Variants in BNIP1 observed in about 807,000 individuals in gnomAD.
BNIP1 encodes BCL2 interacting protein 1, also known as vesicle transport protein SEC20.
In BNIP1, 25 loss-of-function variants were observed where a neutral mutation model predicts 28.5. The ratio of observed to expected loss-of-function variants is 0.88; its 90% confidence interval spans 0.64 to 1.23. BNIP1 has a LOEUF of 1.23. BNIP1 is among the 50% of genes most tolerant of loss of function. The pLI is 0.00. For missense variants in BNIP1, 276 were observed against 277.0 expected (o/e 1.00, Z 0.02); for synonymous variants, 118 against 101.7 (o/e 1.16, Z -0.96).
intron 5 of BNIP1, chr5:173,161,874 G>C (rs865985553): frequency 1.3e-5 from 2 of 152,266 alleles, no homozygotes; most frequent in East Asian, 3.9e-4. Context: ...AGTTTAAAAA[G>C]AAAGGCCTAT....
chr5:173,153,951 T>C (rs1760105026), intron 2 of BNIP1, among the ~76,000 whole-genome samples: 1 of 152,242 alleles, frequency 6.6e-6, no homozygotes, highest in South Asian at 2.1e-4. Flanking sequence ...CAGTTTGATA[T>C]TTTAATGATA....
chr5:173,148,022 C>T (rs1759889855), intron 2 of BNIP1, among the ~76,000 whole-genome samples: 1 of 125,884 alleles, frequency 7.9e-6, no homozygotes, highest in African/African-American at 3.1e-5. Flanking sequence ...GAGATCGTGC[C>T]ACTGCACTCT....
chr5:173,163,887 A>G lies in BNIP1; in HGVS notation c.653A>G (p.Tyr218Cys). ...ALALFLATVL[Y>C]IVKKRLFPFL ...GCCCTGTTTCTTGCTACGGTCCTCT[A>G]TATTGTGAAAAAGCGGCTCTTTCCA... The change falls in exon 6 of 6, where the codon TAT (tyrosine) becomes TGT (cysteine). Residue 218 changes from tyrosine to cysteine, a missense_variant. Physicochemically the swap from Tyr to Cys is radical, Grantham distance 194. Coordinates refer to ENST00000351486, the MANE Select transcript of BNIP1 (RefSeq NM_001205.3). 5 of 1,607,516 alleles carry G rather than the reference A, an allele frequency of 3.1e-6. No individual in the cohort carries two copies. Among genetic ancestry groups the G allele is most frequent in the Non-Finnish European group, 4.2e-6 (5 of 1,177,610 alleles).
chr5:173,159,293 C>T (rs1316409162), intron 4 of BNIP1, among the ~76,000 whole-genome samples: 2 of 152,176 alleles, frequency 1.3e-5, no homozygotes, highest in African/African-American at 4.8e-5. Flanking sequence ...CCCACCCCAG[C>T]CTCCCAAAGT....
chr5:173,146,526 C>T (rs1581066545), intron 1 of BNIP1, among the ~76,000 whole-genome samples: 1 of 152,216 alleles, frequency 6.6e-6, no homozygotes, highest in Non-Finnish European at 1.5e-5. Flanking sequence ...GATAGTATCA[C>T]TTTTGCATGT....
chr5:173,156,247 G>A (rs889800382), intron 3 of BNIP1, among the ~76,000 whole-genome samples: 1 of 152,196 alleles, frequency 6.6e-6, no homozygotes, highest in Non-Finnish European at 1.5e-5. Context: ...CTTGTATAAA[G>A]TATGGTAAGT....
At chr5:173,158,371 AG>A (rs1475427513) in intron 3 of BNIP1, among the ~76,000 whole-genome samples, 3 of 152,252 alleles carry the variant, frequency 2.0e-5, no homozygotes, top group Admixed American at 6.5e-5. Flanking sequence ...GTACAGCCTT[AG>A]AGGCAACTGG....
chr5:173,151,009 G>A (rs551916236), intron 2 of BNIP1, among the ~76,000 whole-genome samples: 62 of 150,716 alleles, frequency 4.1e-4, no homozygotes, highest in Admixed American at 3.6e-3. Context: ...CTAATTTTTC[G>A]TATTTTTAGT....
chr5:173,159,960 G>C lies in BNIP1; in HGVS notation c.399G>C (p.Gln133His). The change falls in exon 5 of 6, where the codon CAG (glutamine) becomes CAC (histidine). Residue 133 changes from glutamine (Q) to histidine (H), a missense_variant. Physicochemically the swap from Gln to His is conservative, Grantham distance 24. Transcript: ENST00000351486. ...QRKTTKESLA[Q>H]TSSTITESLM... The stretch of plus-strand genomic sequence containing the variant: ...AAACCACCAAAGAGAGCCTGGCCCA[G>C]ACATCCAGTACCATCACTGAGAGCC... 6.2e-7 allele frequency: 1 copy of C among 1,614,122 alleles called. No homozygotes were observed. The highest frequency in any genetic ancestry group is 8.5e-7 in the Non-Finnish European group (1 of 1,179,990).
intron 1 of BNIP1, chr5:173,144,852 A>C: frequency 7.9e-6 from 4 of 505,552 alleles, no homozygotes; most frequent in Non-Finnish European, 1.4e-5. Context: ...TCCCCAGAGC[A>C]CCCCACTGTT....
Position 173,144,590 on chromosome 5 carries a change from GA to G in BNIP1, c.46del (p.Ile16LeufsTer8), listed in dbSNP as rs1759776908. On this transcript the variant is annotated frameshift_variant, in exon 1 of 6. Coordinates refer to ENST00000351486, the MANE Select transcript of BNIP1 (RefSeq NM_001205.3). LOFTEE classifies it high-confidence loss of function. ...TCCACGTCCGGATCTGTAACCAAGA[GA>G]TTGTCAAATTTGACCTGGAGGTGAA... ...DVHVRICNQE[I>X]VKFDLEVKAL... is the part of the protein sequence containing the mutation. 2.5e-6 allele frequency: 4 copies of G among 1,614,096 alleles called. No homozygotes were observed. The highest frequency in any genetic ancestry group is 3.4e-6 in the Non-Finnish European group (4 of 1,180,038).
At chr5:173,162,727 C>T (rs1051574357) in intron 5 of BNIP1, among the ~76,000 whole-genome samples, 2 of 152,102 alleles carry the variant, frequency 1.3e-5, no homozygotes, top group Non-Finnish European at 2.9e-5. Context: ...AGCAGCCTCG[C>T]ATGTCTAGGG....
intron 3 of BNIP1, among the ~76,000 whole-genome samples, chr5:173,158,468 GCCATGTT>G (rs1466679033): frequency 1.3e-5 from 2 of 152,250 alleles, no homozygotes; most frequent in Non-Finnish European, 2.9e-5. Flanking sequence ...ACAGAGGAGT[GCCATGTT>G]CACAGCCCCT....
At chr5:173,151,345 C>T (rs1007251698) in intron 2 of BNIP1, among the ~76,000 whole-genome samples, 8 of 152,046 alleles carry the variant, frequency 5.3e-5, no homozygotes, top group African/African-American at 1.4e-4. Context: ...CCTCAGTCCC[C>T]CAAATAGTTG....
At chr5:173,163,631 T>C (rs575467323) in intron 5 of BNIP1, 94 bp from the exon 6 acceptor site, 36 of 1,166,442 alleles carry the variant, frequency 3.1e-5, no homozygotes, top group Admixed American at 1.0e-4. Flanking sequence ...CACTTGAGAA[T>C]GCTGGTTTTT....
intron 3 of BNIP1, among the ~76,000 whole-genome samples, chr5:173,157,923 TGTG>T (rs1760247152): frequency 1.3e-5 from 2 of 150,036 alleles, no homozygotes; most frequent in East Asian, 1.9e-4. Context: ...TGTGTGTGTG[TGTG>T]TTTTTTTTTT....
intron 4 of BNIP1, among the ~76,000 whole-genome samples, chr5:173,159,623 C>T (rs1181986764): frequency 3.9e-5 from 6 of 152,052 alleles, no homozygotes; most frequent in Non-Finnish European, 8.8e-5. Flanking sequence ...GAACATAAGG[C>T]TTTATCCACA....
chr5:173,163,701 G>T, intron 5 of BNIP1, 24 bp from the exon 6 acceptor site: 1 of 1,554,680 alleles, frequency 6.4e-7, no homozygotes, highest in Non-Finnish European at 8.7e-7. Context: ...CTCTGAGTTG[G>T]GCCTCCTTCC....
chr5:173,163,971 G>C lies in BNIP1; in HGVS notation c.*50G>C, dbSNP rs1226729526. 2 of 1,512,312 alleles carry C rather than the reference G, an allele frequency of 1.3e-6. No individual in the cohort carries two copies. The allele number at this position is 1,512,312 out of a possible 1,614,324, so 93.7% of individuals were successfully genotyped here. ...CCTTTCAGCTCCTGTTTCAGGATCT[G>C]TCCTGGTTCCTGAGCTCTAGGCTGC... On this transcript the variant is annotated 3_prime_UTR_variant, in exon 6 of 6. Transcript: ENST00000351486.
Sources: gnomAD v4.1 joint callset for allele counts (sites outside exome capture counted in the v4.1 genomes callset) on GRCh38, gnomAD v4.1.1 for gene constraint, MANE v1.5 for transcripts, NCBI Gene and HGNC (gene_info 2026-07-23, HGNC 2026-07-21) for gene names.